DCHS2: variants seen among roughly 807,000 people sequenced by gnomAD.
DCHS2 encodes the protein protocadherin-23.
Under a neutral mutation model 182.4 loss-of-function variants are expected in DCHS2, and 142 were observed. The ratio of observed to expected loss-of-function variants is 0.78; its 90% confidence interval spans 0.68 to 0.89. DCHS2 has a LOEUF of 0.89. DCHS2 is among the 40% of genes least tolerant of loss of function. DCHS2 has a pLI of 0.00. For synonymous variants in DCHS2, 1,740 were observed against 1,663.3 expected (o/e 1.05, Z -1.12); for missense variants, 4,319 against 4,198.6 (o/e 1.03, Z -0.79).
intron 1 of DCHS2, among the ~76,000 whole-genome samples, chr4:154,391,726 G>A (rs895812598): frequency 3.1e-4 from 47 of 152,114 alleles, no homozygotes; most frequent in Non-Finnish European, 7.4e-5. Flanking sequence ...TGTGTTCCCA[G>A]CAGAGGAAGA....
chr4:154,354,242 T>C (rs970365667), intron 3 of DCHS2, among the ~76,000 whole-genome samples: 9 of 152,206 alleles, frequency 5.9e-5, no homozygotes, highest in Non-Finnish European at 7.3e-5. Flanking sequence ...TAATTTAATG[T>C]ATTCTTTCTT....
intron 3 of DCHS2, among the ~76,000 whole-genome samples, chr4:154,341,844 AT>A (rs1729123210): frequency 6.6e-6 from 1 of 152,198 alleles, no homozygotes; most frequent in Non-Finnish European, 1.5e-5. Flanking sequence ...AGACAGAAGT[AT>A]TTCCTGTCTG....
chr4:154,263,693 A>G (rs1733094917), intron 14 of DCHS2, among the ~76,000 whole-genome samples: 1 of 151,902 alleles, frequency 6.6e-6, no homozygotes, highest in African/African-American at 2.4e-5. Context: ...ATTGAAAAAA[A>G]AAAAAAAAAG....
chr4:154,431,469 A>T (rs1733557155), intron 1 of DCHS2, among the ~76,000 whole-genome samples: 1 of 152,060 alleles, frequency 6.6e-6, no homozygotes, highest in Admixed American at 6.6e-5. Flanking sequence ...CTTTTGTTAG[A>T]TATATTCCTA....
chr4:154,271,530 C>T (rs997616896), intron 13 of DCHS2, among the ~76,000 whole-genome samples: 3 of 152,102 alleles, frequency 2.0e-5, no homozygotes, highest in Non-Finnish European at 2.9e-5. Context: ...ATGCTGAGTG[C>T]CTTTAAGGCA....
At chr4:154,286,100 G>A (rs1016569855) in intron 13 of DCHS2, among the ~76,000 whole-genome samples, 1 of 151,820 alleles carries the variant, frequency 6.6e-6, no homozygotes, top group Admixed American at 6.6e-5. Flanking sequence ...AATTCTTCTG[G>A]GTTATATCCA....
At chr4:154,349,948 A>G (rs893052969) in intron 3 of DCHS2, among the ~76,000 whole-genome samples, 7 of 152,210 alleles carry the variant, frequency 4.6e-5, no homozygotes, top group Non-Finnish European at 1.0e-4. Flanking sequence ...ATTTCATTCT[A>G]TAGTCTTGGT....
chr4:154,485,505 CTGACGGAGAAG>C (rs1047712823), intron 1 of DCHS2, among the ~76,000 whole-genome samples: 21 of 152,306 alleles, frequency 1.4e-4, no homozygotes, highest in Non-Finnish European at 2.2e-4. Flanking sequence ...TTCACAAGGA[CTGACGGAGAAG>C]GGAAGGAGAT....
chr4:154,370,201 A>G (rs770053693), intron 2 of DCHS2, among the ~76,000 whole-genome samples: 10 of 152,212 alleles, frequency 6.6e-5, no homozygotes, highest in Non-Finnish European at 1.0e-4. Flanking sequence ...AATCCAAGAG[A>G]AGCAGCATCT....
At chr4:154,452,677 T>C (rs908697921) in intron 1 of DCHS2, among the ~76,000 whole-genome samples, 1 of 152,164 alleles carries the variant, frequency 6.6e-6, no homozygotes, top group African/African-American at 2.4e-5. Flanking sequence ...GGTTGAGTTT[T>C]ATTTCATATA....
chr4:154,236,832 G>T lies in DCHS2; in HGVS notation c.7820C>A (p.Ser2607Ter). The part of the protein sequence containing the change: ...NFHVETKFFH[S>*]EYPYKQVGYL... ...ACCGACTTGCTTATAAGGATATTCT[G>T]AATGAAAGAACTTAGTTTCCACATG... is the stretch of plus-strand genomic sequence containing the variant. The change falls in exon 20 of 20, where the codon TCA becomes TAA. Residue 2607 changes from serine to a stop codon, truncating the protein, a stop_gained. Coordinates refer to ENST00000357232, the MANE Select transcript of DCHS2 (RefSeq NM_001358235.2). LOFTEE classifies it low-confidence loss of function (END_TRUNC). The T allele has an allele frequency of 6.2e-7, 1 of 1,614,020 alleles. No individual in the cohort carries two copies. The highest frequency in any genetic ancestry group is 1.1e-5 in the South Asian group (1 of 91,082).
chr4:154,329,693 C>A lies in DCHS2; in HGVS notation c.3748G>T (p.Val1250Leu). 6.2e-7 allele frequency: 1 copy of A among 1,611,924 alleles called. No homozygotes were observed. Among genetic ancestry groups the A allele is most frequent in the Non-Finnish European group, 8.5e-7 (1 of 1,179,782 alleles). Residue 1250 changes from valine (V) to leucine (L), a missense_variant, in exon 6 of 20, where the codon GTG becomes TTG. By Grantham distance (32) the Val-to-Leu change is conservative. Transcript: ENST00000357232. ...CCCCGGTGCTCACGATCCAGTGCCA[C>A]CCAATTGATTAACTCTCCTGCAGAG... Reference protein sequence around the residue: ...NPNTGELINWVALDREHRGHH... With the variant: ...NPNTGELINWLALDREHRGHH...
intron 3 of DCHS2, among the ~76,000 whole-genome samples, chr4:154,348,883 T>C (rs7688597): frequency 0.036 from 5,513 of 152,004 alleles, 150 homozygotes; most frequent in Middle Eastern, 0.058. Flanking sequence ...AGGAGGCGTA[T>C]GGTAAGGTGG....
At chr4:154,457,144 T>C (rs1305051229) in intron 1 of DCHS2, among the ~76,000 whole-genome samples, 2 of 152,156 alleles carry the variant, frequency 1.3e-5, no homozygotes, top group East Asian at 1.9e-4. Context: ...TACCTACTTA[T>C]AGTCTAATTA....
At chr4:154,295,767 C>A (rs939880588) in intron 13 of DCHS2, among the ~76,000 whole-genome samples, 1 of 152,110 alleles carries the variant, frequency 6.6e-6, no homozygotes, top group Non-Finnish European at 1.5e-5. Flanking sequence ...AGAATATGCC[C>A]AGTAGAGCCA....
At chr4:154,277,744 TAAC>T (rs1264181982) in intron 13 of DCHS2, among the ~76,000 whole-genome samples, 1 of 151,910 alleles carries the variant, frequency 6.6e-6, no homozygotes, top group African/African-American at 2.4e-5. Flanking sequence ...ATAAATTACT[TAAC>T]AAAGAATTCA....
intron 1 of DCHS2, among the ~76,000 whole-genome samples, chr4:154,396,843 A>C (rs774683476): frequency 2.2e-4 from 34 of 152,198 alleles, no homozygotes; most frequent in Non-Finnish European, 3.5e-4. Context: ...AGATGCCCGC[A>C]GCTGAGGTAA....
chr4:154,416,222 G>T (rs1283985796), intron 1 of DCHS2, among the ~76,000 whole-genome samples: 1 of 152,074 alleles, frequency 6.6e-6, no homozygotes, highest in East Asian at 1.9e-4. Flanking sequence ...GCCCAGAGAC[G>T]GGGGACAGGA....
rs1386885563 is a variant in DCHS2 at position 154,334,930 on chromosome 4, A to T, written c.2651T>A (p.Leu884Ter). 1.2e-6 allele frequency: 2 copies of T among 1,614,088 alleles called. No homozygotes were observed. ...ATCTTCAGGCACATCTTCATAAACT[A>T]AGAAAGTGTACTTAGGCCTTTCAAA... ...AEFERPKYTFLVYEDVPEDSP... is the reference protein window; with the variant it reads ...AEFERPKYTF Residue 884 changes from leucine to a stop codon, truncating the protein, a stop_gained, in exon 4 of 20, where the codon TTA (leucine) becomes TAA (stop). Coordinates refer to ENST00000357232, the MANE Select transcript of DCHS2 (RefSeq NM_001358235.2). LOFTEE classifies it high-confidence loss of function.
Sources: allele counts gnomAD v4.1 joint callset (sites outside exome capture counted in the v4.1 genomes callset), GRCh38; gene constraint gnomAD v4.1.1; transcripts MANE v1.5; gene names NCBI Gene and HGNC (gene_info 2026-07-23, HGNC 2026-07-21).